CEP57L1: variants seen among roughly 807,000 people sequenced by gnomAD.
The protein encoded by CEP57L1 is centrosomal protein CEP57L1.
CEP57L1 carries 37 observed loss-of-function variants against 61.0 expected under a neutral mutation model. The ratio of observed to expected loss-of-function variants is 0.61; its 90% CI spans 0.47 to 0.80. The LOEUF is 0.80. CEP57L1 is among the 30% of genes least tolerant of loss of function. The pLI, the probability that CEP57L1 is intolerant of heterozygous loss-of-function variation, is 0.00. For missense variants in CEP57L1, 422 were observed against 524.7 expected, an observed-to-expected ratio of 0.80 and a Z score of 1.91; for synonymous variants, 137 against 162.3, an observed-to-expected ratio of 0.84 and a Z score of 1.19.
intron 1 of CEP57L1, among the ~76,000 whole-genome samples, chr6:109,104,062 T>G (rs1318541304): frequency 1.3e-5 from 2 of 150,460 alleles, no homozygotes; most frequent in African/African-American, 4.9e-5. Context: ...TTCAATGAAA[T>G]GAAATATCAC....
chr6:109,132,187 A>G (rs1478422215), intron 1 of CEP57L1, among the ~76,000 whole-genome samples: 1 of 152,190 alleles, frequency 6.6e-6, no homozygotes, highest in Non-Finnish European at 1.5e-5. Flanking sequence ...AGCAGAAAAA[A>G]TAGAAATTTT....
At position 109,171,963 on chromosome 6, in the gene CEP57L1, C is replaced by T. The variant is rs939867570; in HGVS notation, c.*8993C>T. On this transcript the variant is annotated 3_prime_UTR_variant, in exon 11 of 11. Coordinates refer to ENST00000517392, the MANE Select transcript of CEP57L1 (RefSeq NM_001271852.3). ...TTAACCTTACCTCAGTGTTTTATCTCGGGTGGTCCCCAAGACCACCTTCAG... is the reference window on the plus strand; with the variant it reads ...TTAACCTTACCTCAGTGTTTTATCTTGGGTGGTCCCCAAGACCACCTTCAG... Among the ~76,000 whole-genome samples, 2 of 152,070 alleles carry T rather than the reference C, an allele frequency of 1.3e-5. No individual in the cohort carries two copies. The highest frequency in any genetic ancestry group is 1.5e-5 in the Non-Finnish European group (1 of 68,022).
At position 109,170,397 on chromosome 6, in the gene CEP57L1, TTTGTTG is replaced by T. The variant is rs200058274; in HGVS notation, c.*7445_*7450del. Among the ~76,000 whole-genome samples, 9 of 151,910 alleles carry T rather than the reference TTTGTTG, an allele frequency of 5.9e-5. No individual in the cohort carries two copies. Among genetic ancestry groups the T allele is most frequent in the African/African-American group, 2.2e-4 (9 of 41,368 alleles). On this transcript the variant is annotated 3_prime_UTR_variant, in exon 11 of 11. Coordinates refer to ENST00000517392, the MANE Select transcript of CEP57L1 (RefSeq NM_001271852.3). Reference sequence around the variant, plus strand: ...GGTTCTAAAAAACCTTGAGAGGCATTTTGTTGTTGTTGTTGTTGTTGTTAGTTTGCC... The same window carrying T: ...GGTTCTAAAAAACCTTGAGAGGCATTTTGTTGTTGTTGTTGTTAGTTTGCC...
At chr6:109,142,600 AAAAAT>A (rs1028335537) in intron 1 of CEP57L1, among the ~76,000 whole-genome samples, 1 of 150,886 alleles carries the variant, frequency 6.6e-6, no homozygotes, top group Non-Finnish European at 1.5e-5. Flanking sequence ...TAAATAAAGA[AAAAAT>A]AAATAAAAAT....
chr6:109,102,650 G>A (rs758896049), intron 1 of CEP57L1, among the ~76,000 whole-genome samples: 3 of 146,496 alleles, frequency 2.0e-5, no homozygotes, highest in Non-Finnish European at 4.5e-5. Context: ...CCATTTTTTA[G>A]TTTTTTTTTT....
rs146820619 is a variant in CEP57L1, at chr6:109,110,941, G to A, written c.-4+15366G>A. Among the ~76,000 whole-genome samples, 1,080 of 152,286 alleles carry A rather than the reference G, an allele frequency of 7.1e-3. 19 individuals carry two copies. The highest frequency in any genetic ancestry group is 0.025 in the African/African-American group (1,037 of 41,556). On this transcript the variant is annotated intron_variant, in intron 1 of 10. Transcript: ENST00000517392. The stretch of plus-strand genomic sequence containing the variant: ...TTTGTTACTGTAGCCTTGTAGTATA[G>A]TTTGAAGTCAGGTAACATGATGCCT...
chr6:109,166,038 C>A lies in CEP57L1; in HGVS notation c.*3068C>A, dbSNP rs1224959004. ...AGCCAGAAAGTTCCAGTGTTTGAAGCAGCAGGTATTGTGACTATATTCTGA... is the reference window on the plus strand; with the variant it reads ...AGCCAGAAAGTTCCAGTGTTTGAAGAAGCAGGTATTGTGACTATATTCTGA... On this transcript the variant is annotated 3_prime_UTR_variant, in exon 11 of 11. Coordinates refer to ENST00000517392, the MANE Select transcript of CEP57L1 (RefSeq NM_001271852.3). 1.2e-4 allele frequency among the ~76,000 whole-genome samples: 19 copies of A among 152,164 alleles called. No individual in the cohort carries two copies. Among genetic ancestry groups the A allele is most frequent in the Admixed American group, 1.2e-3 (19 of 15,272 alleles).
rs1774215748 is a variant in CEP57L1, at chr6:109,168,063, G to A, written c.*5093G>A. Among the ~76,000 whole-genome samples, 1 of 152,216 alleles carries A rather than the reference G, an allele frequency of 6.6e-6. No individual in the cohort carries two copies. Among genetic ancestry groups the A allele is most frequent in the Non-Finnish European group, 1.5e-5 (1 of 68,036 alleles). On this transcript the variant is annotated 3_prime_UTR_variant, in exon 11 of 11. Coordinates refer to ENST00000517392, the MANE Select transcript of CEP57L1 (RefSeq NM_001271852.3). ...TCAAATATTTATTTGCCTACTAAATGTTTGTTCTCATCTATCGATAAAGTG... is the reference window on the plus strand; with the variant it reads ...TCAAATATTTATTTGCCTACTAAATATTTGTTCTCATCTATCGATAAAGTG...
intron 1 of CEP57L1, among the ~76,000 whole-genome samples, chr6:109,114,082 A>G (rs1297098225): frequency 6.6e-6 from 1 of 151,590 alleles, no homozygotes; most frequent in Admixed American, 6.6e-5. Flanking sequence ...CAGCAGTGGG[A>G]TTGCTGGATT....
At chr6:109,145,441 T>G in intron 2 of CEP57L1, 60 bp downstream of exon 2, 1 of 1,133,714 alleles carries the variant, frequency 8.8e-7, no homozygotes, top group Non-Finnish European at 1.2e-6. Context: ...CTTTTCATAT[T>G]TATGTGGAAT....
upstream of CEP57L1, chr6:109,095,488 A>G: frequency 1.0e-6 from 1 of 985,848 alleles, no homozygotes; most frequent in South Asian, 4.7e-5. Flanking sequence ...CAGAAACTAC[A>G]ACCCCCAGGG....
rs1359478949 is a variant in CEP57L1 at position 109,134,968 on chromosome 6, C to T, written c.-3-10251C>T. On this transcript the variant is annotated intron_variant, in intron 1 of 10. Coordinates refer to ENST00000517392, the MANE Select transcript of CEP57L1 (RefSeq NM_001271852.3). ...GCTCATGAGTAGGAAGAATCAATATCGTGAAAATGGCCATACTGCCCAAAG... is the reference window on the plus strand; with the variant it reads ...GCTCATGAGTAGGAAGAATCAATATTGTGAAAATGGCCATACTGCCCAAAG... Among the ~76,000 whole-genome samples the T allele has an allele frequency of 9.2e-5, 14 of 152,232 alleles. No homozygotes were observed. In the South Asian group the frequency reaches 1.0e-3, roughly 11 times the overall value.
At position 109,159,404 on chromosome 6, in the gene CEP57L1, T is replaced by C. The variant is rs1773528655; in HGVS notation, c.958T>C (p.Cys320Arg). ...PPDSEKSISI[C>R]DNLSELLMAM... ...TGACTCAGAAAAGTCCATTTCCATT[T>C]GTGACAATTTATCTGAACTTTTGAT... The change falls in exon 9 of 11, where the codon TGT (cysteine) becomes CGT (arginine). Residue 320 changes from cysteine to arginine, a missense_variant. Transcript: ENST00000517392. 3.1e-6 allele frequency: 5 copies of C among 1,613,956 alleles called. No individual in the cohort carries two copies. The highest frequency in any genetic ancestry group is 4.2e-6 in the Non-Finnish European group (5 of 1,179,862).
At chr6:109,150,327 G>T (rs1772471367) in intron 4 of CEP57L1, 88 bp downstream of exon 4, 3 of 1,508,548 alleles carry the variant, frequency 2.0e-6, no homozygotes, top group South Asian at 1.2e-5. Flanking sequence ...CAAAGGCAAA[G>T]GTGGCATAAT....
chr6:109,139,362 G>T (rs1771091176), intron 1 of CEP57L1, among the ~76,000 whole-genome samples: 1 of 152,142 alleles, frequency 6.6e-6, no homozygotes, highest in South Asian at 2.1e-4. Context: ...AGAATGCAGT[G>T]GTACAATCTC....
intron 3 of CEP57L1, 67 bp downstream of exon 3, chr6:109,147,004 T>G: frequency 7.7e-7 from 1 of 1,300,896 alleles, no homozygotes; most frequent in South Asian, 1.4e-5. Flanking sequence ...ATAATAAACC[T>G]AGTCTAAGCC....
chr6:109,099,785 T>C (rs1240359299), intron 1 of CEP57L1, among the ~76,000 whole-genome samples: 1 of 152,174 alleles, frequency 6.6e-6, no homozygotes, highest in Non-Finnish European at 1.5e-5. Context: ...CCTGACCTCG[T>C]GATCCACCCG....
intron 1 of CEP57L1, among the ~76,000 whole-genome samples, chr6:109,127,198 C>T (rs139080004): frequency 6.6e-6 from 1 of 152,030 alleles, no homozygotes; most frequent in African/African-American, 2.4e-5. Context: ...CAAAAACTGG[C>T]TGTTCTACTC....
chr6:109,126,480 GTATC>G (rs1455433518), intron 1 of CEP57L1, among the ~76,000 whole-genome samples: 3 of 152,138 alleles, frequency 2.0e-5, no homozygotes, highest in Admixed American at 6.5e-5. Flanking sequence ...TCTGTTATTT[GTATC>G]TATCTTTGTC....
Sources: allele counts gnomAD v4.1 joint callset (sites outside exome capture counted in the v4.1 genomes callset), GRCh38; gene constraint gnomAD v4.1.1; transcripts MANE v1.5; gene names NCBI Gene and HGNC (gene_info 2026-07-23, HGNC 2026-07-21).